The following PEX3 variants were observed in gnomAD, a reference collection of about 807,000 sequenced individuals.
PEX3 encodes peroxin-3.
In PEX3, 30 loss-of-function variants were observed where a neutral mutation model predicts 55.8. The ratio of observed to expected loss-of-function variants is 0.54; its 90% confidence interval spans 0.40 to 0.73. PEX3 has a LOEUF of 0.73. Among genes scored for constraint, PEX3 ranks in the 30% least tolerant of loss-of-function variants. The probability of loss-of-function intolerance (pLI) is 0.00; values close to 1 mark genes in which losing one functional copy is unlikely to be tolerated. For synonymous variants in PEX3, 135 were observed against 148.4 expected, an observed-to-expected ratio of 0.91 and a Z score of 0.66; for missense variants, 351 against 432.8, an observed-to-expected ratio of 0.81 and a Z score of 1.68.
rs753656423 is a variant in PEX3 at position 143,458,451 on chromosome 6, GACTA to G, written c.74-629_74-626del. 2.0e-5 allele frequency among the ~76,000 whole-genome samples: 3 copies of G among 152,176 alleles called. No homozygotes were observed. Among genetic ancestry groups the G allele is most frequent in the South Asian group, 4.2e-4 (2 of 4,808 alleles). ...TGGATGGATAAATAGACTTCTGCCT[GACTA>G]ACTACCTTTCTTTCATTGTTCCTTT... is the stretch of plus-strand genomic sequence containing the variant. On this transcript the variant is annotated intron_variant, in intron 1 of 11. Coordinates refer to ENST00000367591, the MANE Select transcript of PEX3 (RefSeq NM_003630.3). This position sits in a 1 kb window ranked among gnomAD's most constrained non-coding sequence, Gnocchi z 6.1.
In PEX3 at chr6:143,465,213, A is replaced by G. The variant is rs546385841; in HGVS notation, c.287+2216A>G. Among the ~76,000 whole-genome samples the G allele has an allele frequency of 6.6e-6, 1 of 152,026 alleles. No homozygotes were observed. The highest frequency in any genetic ancestry group is 1.5e-5 in the Non-Finnish European group (1 of 67,872). ...CCATCAAACAAATCATTTGAAAGGA[A>G]TATTTGTGTTGAAGGTACTTTTCTC... On this transcript the variant is annotated intron_variant, in intron 3 of 11. Coordinates refer to ENST00000367591, the MANE Select transcript of PEX3 (RefSeq NM_003630.3). The surrounding 1 kb of genome is among the most constrained non-coding windows in gnomAD (Gnocchi z 4.7).
chr6:143,466,581 T>C lies in PEX3; in HGVS notation c.288-1541T>C, dbSNP rs774574753. ...AGGTATATATGTATAGGATAAAACA[T>C]AGTATATGTAGGGGTTGGTACTATC... On this transcript the variant is annotated intron_variant, in intron 3 of 11. Transcript: ENST00000367591. This position sits in a 1 kb window ranked among gnomAD's most constrained non-coding sequence, Gnocchi z 5.4. Among the ~76,000 whole-genome samples the C allele has an allele frequency of 6.6e-6, 1 of 151,408 alleles. No homozygotes were observed.
chr6:143,472,505 A>G (rs1451345082), intron 8 of PEX3, among the ~76,000 whole-genome samples, 177 bp downstream of exon 8: 1 of 146,608 alleles, frequency 6.8e-6, no homozygotes, highest in Admixed American at 6.7e-5. Flanking sequence ...GATTTCTAGT[A>G]AGAAGCACTT....
Position 143,454,037 on chromosome 6 carries a change from ATAT to A in PEX3, c.73+2925_73+2927del, listed in dbSNP as rs537205735. Reference sequence around the variant, plus strand: ...CAAAATTAAAATGAAATTTTTTAAAATATTAATTCATTTTAAAATAATAAACCT... The same window carrying A: ...CAAAATTAAAATGAAATTTTTTAAAATAATTCATTTTAAAATAATAAACCT... On this transcript the variant is annotated intron_variant, in intron 1 of 11. Coordinates refer to ENST00000367591, the MANE Select transcript of PEX3 (RefSeq NM_003630.3). This position sits in a 1 kb window ranked among gnomAD's most constrained non-coding sequence, Gnocchi z 4.3. 3.1e-4 allele frequency among the ~76,000 whole-genome samples: 44 copies of A among 142,302 alleles called. No homozygotes were observed. The South Asian group carries it at 9.5e-3, about 31-fold the overall frequency. The allele number at this position is 142,302 out of a possible 152,430, so 93.4% of individuals were successfully genotyped here.
At position 143,489,800 on chromosome 6, in the gene PEX3, T is replaced by A. The variant is rs1425921931; in HGVS notation, c.*574T>A. On this transcript the variant is annotated 3_prime_UTR_variant, in exon 12 of 12. Transcript: ENST00000367591. This position sits in a 1 kb window ranked among gnomAD's most constrained non-coding sequence, Gnocchi z 5.5. ...GAATTCCAACAACTATGATGAACTATGTTCTTTGCTATTTCTTCACTATAT... is the reference window on the plus strand; with the variant it reads ...GAATTCCAACAACTATGATGAACTAAGTTCTTTGCTATTTCTTCACTATAT... The A allele has an allele frequency of 2.0e-5, 3 of 152,102 alleles. No homozygotes were observed. Among genetic ancestry groups the A allele is most frequent in the African/African-American group, 7.2e-5 (3 of 41,450 alleles). The allele number at this position is 152,102 out of a possible 1,614,324, so 9.4% of individuals were successfully genotyped here.
chr6:143,471,426 G>A lies in PEX3; in HGVS notation c.500G>A (p.Ser167Asn), dbSNP rs1780072292. The change falls in exon 6 of 12, where the codon AGT becomes AAT. Residue 167 changes from serine to asparagine, a missense_variant. By Grantham distance (46) the Ser-to-Asn change is conservative. Coordinates refer to ENST00000367591, the MANE Select transcript of PEX3 (RefSeq NM_003630.3). This position sits in a 1 kb window ranked among gnomAD's most constrained non-coding sequence, Gnocchi z 5.4. ...PPDVQQQYLS[S>N]IQHLLGDGLT... is the part of the protein sequence containing the mutation. ...GATGTCCAACAGCAGTATTTATCAAGTATTCAGCACCTACTTGGAGATGGT... is the reference window on the plus strand; with the variant it reads ...GATGTCCAACAGCAGTATTTATCAAATATTCAGCACCTACTTGGAGATGGT... 4.4e-6 allele frequency: 7 copies of A among 1,607,588 alleles called. No individual in the cohort carries two copies. The highest frequency in any genetic ancestry group is 6.0e-6 in the Non-Finnish European group (7 of 1,174,484).
In PEX3 at chr6:143,462,868, C is replaced by A; in HGVS notation, c.206-48C>A. ...AACAATGCGCATTTCTTAGTGAGGGCAGTCATATCACTTGTGACCTTTTTT... is the reference window on the plus strand; with the variant it reads ...AACAATGCGCATTTCTTAGTGAGGGAAGTCATATCACTTGTGACCTTTTTT... On this transcript the variant is annotated intron_variant, in intron 2 of 11. Coordinates refer to ENST00000367591, the MANE Select transcript of PEX3 (RefSeq NM_003630.3). The surrounding 1 kb of genome is among the most constrained non-coding windows in gnomAD (Gnocchi z 4.1). 1 of 1,343,420 alleles carries A rather than the reference C, an allele frequency of 7.4e-7. No individual in the cohort carries two copies. Among genetic ancestry groups the A allele is most frequent in the Non-Finnish European group, 1.1e-6 (1 of 936,444 alleles). 83.2% of individuals were successfully genotyped at this position (1,343,420 alleles called of 1,614,324 possible).
chr6:143,468,034 A>G (rs1035928300), intron 3 of PEX3, 88 bp from the exon 4 acceptor site: 19 of 756,276 alleles, frequency 2.5e-5, no homozygotes, highest in Non-Finnish European at 3.6e-5. Flanking sequence ...AATTTTTTTT[A>G]AAAAGTAAAA....
chr6:143,462,981 G>C lies in PEX3; in HGVS notation c.271G>C (p.Ala91Pro). 1 of 1,613,224 alleles carries C rather than the reference G, an allele frequency of 6.2e-7. No homozygotes were observed. Among genetic ancestry groups the C allele is most frequent in the Non-Finnish European group, 8.5e-7 (1 of 1,179,264 alleles). The change falls in exon 3 of 12, where the codon GCT (alanine) becomes CCT (proline). Residue 91 changes from alanine to proline, a missense_variant. Coordinates refer to ENST00000367591, the MANE Select transcript of PEX3 (RefSeq NM_003630.3). This position sits in a 1 kb window ranked among gnomAD's most constrained non-coding sequence, Gnocchi z 4.1. Reference protein sequence around the residue: ...MQQLNSESLTALLKNRPSNKL... With the variant: ...MQQLNSESLTPLLKNRPSNKL... ...GCAACTGAATTCCGAGAGCCTCACA[G>C]CTCTGCTAAAAAACAGGTAAATGCA...
chr6:143,483,062 C>CA lies in PEX3; in HGVS notation c.942-2089dup, dbSNP rs1174389809. 6.6e-6 allele frequency among the ~76,000 whole-genome samples: 1 copy of CA among 152,000 alleles called. No individual in the cohort carries two copies. The highest frequency in any genetic ancestry group is 2.4e-5 in the African/African-American group (1 of 41,392). ...TATATATCATCCATGAGTGTAATGA[C>CA]ATTATATACAGAACTTTTGCACATC... On this transcript the variant is annotated intron_variant, in intron 10 of 11. Coordinates refer to ENST00000367591, the MANE Select transcript of PEX3 (RefSeq NM_003630.3). The surrounding 1 kb of genome is among the most constrained non-coding windows in gnomAD (Gnocchi z 4.3).
chr6:143,452,290 C>T (rs957650750), intron 1 of PEX3, among the ~76,000 whole-genome samples: 8 of 152,092 alleles, frequency 5.3e-5, no homozygotes, highest in East Asian at 1.9e-4. Flanking sequence ...TGAACACCTT[C>T]GAGAAATCCT....
Position 143,485,310 on chromosome 6 carries a change from T to C in PEX3, c.1038+62T>C. The C allele has an allele frequency of 1.1e-6, 1 of 926,424 alleles. No individual in the cohort carries two copies. Among genetic ancestry groups the C allele is most frequent in the East Asian group, 2.4e-5 (1 of 41,674 alleles). The allele number at this position is 926,424 out of a possible 1,614,324, so 57.4% of individuals were successfully genotyped here. On this transcript the variant is annotated intron_variant, in intron 11 of 11. Coordinates refer to ENST00000367591, the MANE Select transcript of PEX3 (RefSeq NM_003630.3). This position sits in a 1 kb window ranked among gnomAD's most constrained non-coding sequence, Gnocchi z 5.6. The stretch of plus-strand genomic sequence containing the variant: ...TTATATTTGTGGTGGTGGTCATGTT[T>C]GTCTAACATAAAGTTACATTCTCTG...
At chr6:143,480,680 G>A (rs1780222806) in intron 10 of PEX3, among the ~76,000 whole-genome samples, 1 of 152,050 alleles carries the variant, frequency 6.6e-6, no homozygotes, top group African/African-American at 2.4e-5. Context: ...CAAGCCTATT[G>A]TCATCATTGT....
At chr6:143,456,545 T>C (rs1779848236) in intron 1 of PEX3, among the ~76,000 whole-genome samples, 1 of 152,212 alleles carries the variant, frequency 6.6e-6, no homozygotes, top group Non-Finnish European at 1.5e-5. Context: ...AAGATCAGGA[T>C]TGGTTCCTTC....
In PEX3 at chr6:143,466,817, G is replaced by A. The variant is rs2128746195; in HGVS notation, c.288-1305G>A. Among the ~76,000 whole-genome samples the A allele has an allele frequency of 6.6e-6, 1 of 152,064 alleles. No individual in the cohort carries two copies. The highest frequency in any genetic ancestry group is 1.9e-4 in the East Asian group (1 of 5,182). On this transcript the variant is annotated intron_variant, in intron 3 of 11. Transcript: ENST00000367591. This position sits in a 1 kb window ranked among gnomAD's most constrained non-coding sequence, Gnocchi z 5.4. ...CTTATATAAAGCAAAACAATGGAAA[G>A]TTTAAGCATTTTTTAAGTCGTCATC...
rs1780136242 is a variant in PEX3, at chr6:143,475,203, T to C, written c.818+347T>C. 6.6e-6 allele frequency among the ~76,000 whole-genome samples: 1 copy of C among 152,230 alleles called. No individual in the cohort carries two copies. On this transcript the variant is annotated intron_variant, in intron 9 of 11. Coordinates refer to ENST00000367591, the MANE Select transcript of PEX3 (RefSeq NM_003630.3). This position sits in a 1 kb window ranked among gnomAD's most constrained non-coding sequence, Gnocchi z 4.4. ...GATCTTTTGCCATATCCAATGAACC[T>C]GTAATGTTCATCTTACTTGACCTTT...
At chr6:143,481,172 A>AC (rs1780236469) in intron 10 of PEX3, among the ~76,000 whole-genome samples, 2 of 147,710 alleles carry the variant, frequency 1.4e-5, no homozygotes, top group Admixed American at 6.8e-5. Context: ...ATATATATAA[A>AC]ATATATATGC....
chr6:143,455,275 C>T (rs888253907), intron 1 of PEX3, among the ~76,000 whole-genome samples: 1 of 151,546 alleles, frequency 6.6e-6, no homozygotes, highest in Non-Finnish European at 1.5e-5. Context: ...TCACGGCAAG[C>T]TCCGCCTCCT....
Position 143,451,030 on chromosome 6 carries a change from C to G in PEX3, c.-13C>G. 1 of 1,604,762 alleles carries G rather than the reference C, an allele frequency of 6.2e-7. No homozygotes were observed. Among genetic ancestry groups the G allele is most frequent in the Non-Finnish European group, 8.5e-7 (1 of 1,171,360 alleles). On this transcript the variant is annotated 5_prime_UTR_variant, in exon 1 of 12. Transcript: ENST00000367591. This position sits in a 1 kb window ranked among gnomAD's most constrained non-coding sequence, Gnocchi z 4.1. ...CCTCACCCCTAGTCAGCCCACACCCCTAGGGCCTAAAGATGCTGAGGTCTG... is the reference window on the plus strand; with the variant it reads ...CCTCACCCCTAGTCAGCCCACACCCGTAGGGCCTAAAGATGCTGAGGTCTG...
Sources: allele counts gnomAD v4.1 joint callset (sites outside exome capture counted in the v4.1 genomes callset), GRCh38; gene constraint gnomAD v4.1.1; non-coding constraint Gnocchi (gnomAD v3.1); transcripts MANE v1.5; gene names NCBI Gene and HGNC (gene_info 2026-07-23, HGNC 2026-07-21).